USP8: variants seen among roughly 807,000 people sequenced by gnomAD.
USP8 encodes the protein ubiquitin carboxyl-terminal hydrolase 8.
A neutral mutation model predicts 130.0 loss-of-function variants in USP8; 27 were observed. The observed-to-expected ratio is 0.21, with a 90% confidence interval of 0.15 to 0.29. The LOEUF is 0.29. Among genes scored for constraint, USP8 ranks in the 10% least tolerant of loss-of-function variants. The probability of loss-of-function intolerance (pLI) is 1.00; values close to 1 mark genes in which losing one functional copy is unlikely to be tolerated. For synonymous variants in USP8, 392 were observed against 444.1 expected (o/e 0.88, Z 1.48); for missense variants, 1,029 against 1,312.2 (o/e 0.78, Z 3.33).
chr15:50,480,295 G>A (rs1201471416), intron 10 of USP8, among the ~76,000 whole-genome samples: 3 of 152,118 alleles, frequency 2.0e-5, no homozygotes, highest in African/African-American at 7.2e-5. Context: ...AAGGAAACTA[G>A]TTAGTATTTT....
At chr15:50,453,560 C>A (rs1271659963) in intron 4 of USP8, among the ~76,000 whole-genome samples, 1 of 152,248 alleles carries the variant, frequency 6.6e-6, no homozygotes. Flanking sequence ...GGTGAACGTA[C>A]CATGTGCACT....
At chr15:50,452,208 G>A (rs2050650363) in intron 4 of USP8, among the ~76,000 whole-genome samples, 1 of 152,148 alleles carries the variant, frequency 6.6e-6, no homozygotes, top group Admixed American at 6.5e-5. Context: ...TTTTTTCATG[G>A]ACACCTCTCA....
At chr15:50,459,255 T>C (rs1241975989) in intron 5 of USP8, 93 bp downstream of exon 5, 1 of 1,451,514 alleles carries the variant, frequency 6.9e-7, no homozygotes, top group Non-Finnish European at 9.2e-7. Flanking sequence ...AAAGTTCTTT[T>C]AGGCAACAAG....
intron 3 of USP8, 142 bp downstream of exon 3, chr15:50,441,635 T>C (rs2050263700): frequency 7.6e-6 from 5 of 657,124 alleles, no homozygotes; most frequent in Non-Finnish European, 1.2e-5. Flanking sequence ...AAAAGGGAAC[T>C]AAAGATACAG....
In USP8 at chr15:50,498,883, T is replaced by TTCTA. The variant is rs200945863; in HGVS notation, c.3172-16_3172-13dup. ...CAATTTTAACTGAATTGATTTTTTT[T>TTCTA]TCTATCTTGTTTGGCACAGAATCAC... On this transcript the variant is annotated intron_variant, in intron 19 of 19. Transcript: ENST00000307179. 1.0e-2 allele frequency: 15,638 copies of TTCTA among 1,568,244 alleles called. 104 individuals are homozygous for TTCTA. The highest frequency in any genetic ancestry group is 0.011 in the Non-Finnish European group (13,304 of 1,158,928).
chr15:50,464,070 A>T (rs925907120), intron 6 of USP8, among the ~76,000 whole-genome samples: 1 of 152,216 alleles, frequency 6.6e-6, no homozygotes, highest in Non-Finnish European at 1.5e-5. Flanking sequence ...TTAAAGGGAT[A>T]GATGGTAAAC....
At chr15:50,494,342 T>C in intron 16 of USP8, 62 bp downstream of exon 16, 1 of 1,409,094 alleles carries the variant, frequency 7.1e-7, no homozygotes. Context: ...AGCACTGTAT[T>C]TTTATAGCAG....
intron 5 of USP8, among the ~76,000 whole-genome samples, chr15:50,461,455 C>CT (rs1248869521): frequency 1.9e-5 from 1 of 52,238 alleles, no homozygotes; most frequent in Non-Finnish European, 4.1e-5. Flanking sequence ...GACCCTATCT[C>CT]CAAAAAAAAA....
intron 4 of USP8, 143 bp downstream of exon 4, chr15:50,449,628 C>T (rs909320027): frequency 4.3e-6 from 2 of 469,220 alleles, no homozygotes; most frequent in East Asian, 9.7e-5. Context: ...GTCGCCCATG[C>T]TGGAGTGCAG....
At chr15:50,469,604 A>G (rs2051307980) in intron 7 of USP8, among the ~76,000 whole-genome samples, 1 of 152,096 alleles carries the variant, frequency 6.6e-6, no homozygotes, top group Admixed American at 6.6e-5. Flanking sequence ...ACTTCCTGGA[A>G]GATACAGTAA....
intron 7 of USP8, among the ~76,000 whole-genome samples, chr15:50,467,702 C>A (rs980047840): frequency 1.3e-5 from 2 of 151,928 alleles, no homozygotes; most frequent in Non-Finnish European, 2.9e-5. Context: ...AATACAGGCA[C>A]ATGCCACCAT....
chr15:50,456,559 G>A (rs1163702009), intron 4 of USP8, among the ~76,000 whole-genome samples: 1 of 143,774 alleles, frequency 7.0e-6, no homozygotes, highest in African/African-American at 2.6e-5. Flanking sequence ...AGGTGACAGT[G>A]TGAGACTCCG....
intron 1 of USP8, among the ~76,000 whole-genome samples, chr15:50,433,755 G>A (rs1455456299): frequency 1.3e-5 from 2 of 152,042 alleles, no homozygotes; most frequent in Non-Finnish European, 1.5e-5. Flanking sequence ...ACAGGTGCCC[G>A]CCACCGTGCC....
At position 50,513,971 on chromosome 15, in the gene USP8, T is replaced by C. The variant is rs1335298106; in HGVS notation, c.*14883T>C. The C allele has an allele frequency of 6.6e-6, 1 of 152,204 alleles. No homozygotes were observed. The highest frequency in any genetic ancestry group is 6.5e-5 in the Admixed American group (1 of 15,274). 9.4% of individuals were successfully genotyped at this position (152,204 alleles called of 1,614,324 possible). ...GTTCACCAAAAAACAAGAATGTTTA[T>C]AGCAACCCTCTTTGCATTAGTCAAA... On this transcript the variant is annotated 3_prime_UTR_variant, in exon 20 of 20. Coordinates refer to ENST00000307179, the MANE Select transcript of USP8 (RefSeq NM_005154.5).
chr15:50,451,275 G>A (rs1004707224), intron 4 of USP8, among the ~76,000 whole-genome samples: 6 of 152,154 alleles, frequency 3.9e-5, no homozygotes, highest in African/African-American at 7.2e-5. Context: ...GCCGGGTGGG[G>A]TGGCAGGCAG....
At position 50,504,017 on chromosome 15, in the gene USP8, C is replaced by A. The variant is rs551890936; in HGVS notation, c.*4929C>A. The A allele has an allele frequency of 1.1e-4, 16 of 152,152 alleles. No individual in the cohort carries two copies. The highest frequency in any genetic ancestry group is 3.6e-4 in the African/African-American group (15 of 41,516). 9.4% of individuals were successfully genotyped at this position (152,152 alleles called of 1,614,324 possible). On this transcript the variant is annotated 3_prime_UTR_variant, in exon 20 of 20. Transcript: ENST00000307179. ...ATAGAATTTTCAGAAATGAGAAATA[C>A]AACATAGTTGGCCGTCCATATTTAC...
intron 1 of USP8, among the ~76,000 whole-genome samples, chr15:50,430,097 C>G (rs961556859): frequency 6.6e-6 from 1 of 152,144 alleles, no homozygotes; most frequent in African/African-American, 2.4e-5. Context: ...TTTTAAGAGG[C>G]AGAAACTTTA....
intron 8 of USP8, 79 bp from the exon 9 acceptor site, chr15:50,476,770 C>A: frequency 7.0e-7 from 1 of 1,429,566 alleles, no homozygotes; most frequent in South Asian, 1.7e-5. Context: ...AAGGGAACAA[C>A]TTTAAAATTT....
intron 3 of USP8, chr15:50,444,576 C>A (rs539171858): frequency 1.3e-5 from 2 of 151,950 alleles, no homozygotes; most frequent in South Asian, 4.1e-4. Context: ...TCCAGAGTCT[C>A]TATTGCATTT....
Sources: gnomAD v4.1 joint callset for allele counts (sites outside exome capture counted in the v4.1 genomes callset) on GRCh38, gnomAD v4.1.1 for gene constraint, MANE v1.5 for transcripts, NCBI Gene and HGNC (gene_info 2026-07-23, HGNC 2026-07-21) for gene names.